Variants in SYN3 observed in about 807,000 individuals in gnomAD.
The protein encoded by SYN3 is synapsin-3.
Under a neutral mutation model 65.8 loss-of-function variants are expected in SYN3, and 35 were observed. The observed-to-expected ratio is 0.53, with a 90% CI of 0.41 to 0.70. The LOEUF is 0.70. Among genes scored for constraint, SYN3 ranks in the 30% least tolerant of loss-of-function variants. The probability of loss-of-function intolerance (pLI) is 0.00; values close to 1 mark genes in which losing one functional copy is unlikely to be tolerated. For synonymous variants in SYN3, 270 were observed against 292.9 expected (o/e 0.92, Z 0.80); for missense variants, 680 against 749.0 (o/e 0.91, Z 1.08).
intron 6 of SYN3, among the ~76,000 whole-genome samples, chr22:32,625,054 A>C (rs1466740626): frequency 1.3e-5 from 2 of 152,198 alleles, no homozygotes; most frequent in Admixed American, 1.3e-4. Flanking sequence ...TTCTATGCCC[A>C]GGGTTGGTTT....
chr22:32,579,619 C>T (rs986897277), intron 7 of SYN3, among the ~76,000 whole-genome samples: 2 of 152,148 alleles, frequency 1.3e-5, no homozygotes, highest in African/African-American at 4.8e-5. Flanking sequence ...CCATGGCAAG[C>T]CATTAGTCTC....
intron 6 of SYN3, among the ~76,000 whole-genome samples, chr22:32,664,720 A>C (rs1201600215): frequency 6.8e-6 from 1 of 147,484 alleles, no homozygotes; most frequent in East Asian, 2.0e-4. Context: ...CCTCCCTTGT[A>C]GCTGGGACTA....
At chr22:32,747,355 G>T (rs1049184495) in intron 6 of SYN3, among the ~76,000 whole-genome samples, 1 of 99,062 alleles carries the variant, frequency 1.0e-5, no homozygotes, top group African/African-American at 4.1e-5. Flanking sequence ...GGGAGGTGAT[G>T]TCCATGGGTC....
chr22:32,827,449 C>A (rs985076794), intron 6 of SYN3, among the ~76,000 whole-genome samples: 1 of 152,118 alleles, frequency 6.6e-6, no homozygotes, highest in African/African-American at 2.4e-5. Flanking sequence ...CCTACTTGTA[C>A]AAATGGATTT....
chr22:32,785,583 C>G (rs573079103), intron 6 of SYN3, among the ~76,000 whole-genome samples: 3 of 152,312 alleles, frequency 2.0e-5, no homozygotes, highest in African/African-American at 4.8e-5. Context: ...ACTGTGCATT[C>G]AAGTGTTGGG....
rs1208516984 is a variant in SYN3, at chr22:32,511,202, G to A, written c.*2490C>T. Among the ~76,000 whole-genome samples the A allele has an allele frequency of 6.6e-6, 1 of 152,142 alleles. No homozygotes were observed. The highest frequency in any genetic ancestry group is 1.5e-5 in the Non-Finnish European group (1 of 68,032). On this transcript the variant is annotated 3_prime_UTR_variant, in exon 14 of 14. Coordinates refer to ENST00000358763, the MANE Select transcript of SYN3 (RefSeq NM_003490.4). ...CTTTCTTCAGAAATTCCAAGGGAGT[G>A]GTGAAAGAATTAAGTGAGCAGCAGC...
At chr22:32,562,171 C>G (rs1203267884) in intron 7 of SYN3, among the ~76,000 whole-genome samples, 1 of 152,188 alleles carries the variant, frequency 6.6e-6, no homozygotes, top group Non-Finnish European at 1.5e-5. Flanking sequence ...GGCACATATT[C>G]AATGGTTCGT....
intron 6 of SYN3, among the ~76,000 whole-genome samples, chr22:32,807,377 TAA>T (rs1569239784): frequency 1.8e-5 from 2 of 108,718 alleles, no homozygotes; most frequent in South Asian, 2.7e-4. Flanking sequence ...ATATTATATA[TAA>T]TATATATTAT....
chr22:32,671,658 C>T (rs1277332223), intron 6 of SYN3, among the ~76,000 whole-genome samples: 4 of 149,796 alleles, frequency 2.7e-5, no homozygotes, highest in South Asian at 2.1e-4. Flanking sequence ...GATGCACACA[C>T]GCTGTCACAC....
At chr22:32,886,709 T>C (rs2049299518) in intron 4 of SYN3, among the ~76,000 whole-genome samples, 1 of 152,260 alleles carries the variant, frequency 6.6e-6, no homozygotes, top group African/African-American at 2.4e-5. Context: ...CCCTTGGCCC[T>C]GGGCAACCAC....
At chr22:32,618,074 G>C (rs1436184127) in intron 6 of SYN3, among the ~76,000 whole-genome samples, 1 of 152,188 alleles carries the variant, frequency 6.6e-6, no homozygotes, top group South Asian at 2.1e-4. Context: ...TATCCCCGGA[G>C]CCTGGCATGA....
At chr22:32,668,875 C>T (rs2060325908) in intron 6 of SYN3, among the ~76,000 whole-genome samples, 1 of 152,162 alleles carries the variant, frequency 6.6e-6, no homozygotes, top group South Asian at 2.1e-4. Context: ...CCAGAGTGGG[C>T]CCAGGCTCAT....
chr22:32,834,118 A>G (rs2047659859), intron 6 of SYN3, among the ~76,000 whole-genome samples: 1 of 151,414 alleles, frequency 6.6e-6, no homozygotes, highest in Non-Finnish European at 1.5e-5. Flanking sequence ...ATCTAGGAAC[A>G]GGGGTTGGAG....
chr22:32,568,614 A>C (rs2058704009), intron 7 of SYN3, among the ~76,000 whole-genome samples: 2 of 152,174 alleles, frequency 1.3e-5, no homozygotes, highest in African/African-American at 2.4e-5. Context: ...AGGGACAAAC[A>C]AGCTCCCAGG....
intron 7 of SYN3, among the ~76,000 whole-genome samples, chr22:32,548,383 T>A (rs1229041814): frequency 2.6e-5 from 4 of 152,152 alleles, no homozygotes; most frequent in Non-Finnish European, 4.4e-5. Context: ...TATTTATTAT[T>A]ATTTTTTTGA....
At chr22:32,980,800 A>G in intron 2 of SYN3, 98 bp from the exon 3 acceptor site, 5 of 1,036,380 alleles carry the variant, frequency 4.8e-6, no homozygotes, top group Non-Finnish European at 7.5e-6. Context: ...ATATTGAGAC[A>G]CATCCTCAGC....
At chr22:32,859,587 ATCAT>A (rs1173152195) in intron 6 of SYN3, 2 of 616,790 alleles carry the variant, frequency 3.2e-6, no homozygotes, top group Non-Finnish European at 5.4e-6. Flanking sequence ...TGGTTTTGAC[ATCAT>A]TCATTTCCAC....
intron 7 of SYN3, among the ~76,000 whole-genome samples, chr22:32,575,725 C>T (rs907993596): frequency 4.6e-5 from 7 of 152,110 alleles, no homozygotes; most frequent in Non-Finnish European, 7.4e-5. Flanking sequence ...GGAGAGGCAG[C>T]CCAAGAGGCG....
At chr22:32,582,778 C>T (rs2146502714) in intron 7 of SYN3, among the ~76,000 whole-genome samples, 1 of 152,036 alleles carries the variant, frequency 6.6e-6, no homozygotes, top group South Asian at 2.1e-4. Flanking sequence ...GAGCTCAGGA[C>T]CGTCTGACTT....
Sources: gnomAD v4.1 joint callset for allele counts (sites outside exome capture counted in the v4.1 genomes callset) on GRCh38, gnomAD v4.1.1 for gene constraint, MANE v1.5 for transcripts, NCBI Gene and HGNC (gene_info 2026-07-23, HGNC 2026-07-21) for gene names.